Variants in RIPK1 observed in about 807,000 individuals in gnomAD.
RIPK1 encodes the protein receptor-interacting serine/threonine-protein kinase 1.
Under a neutral mutation model 62.4 loss-of-function variants are expected in RIPK1, and 27 were observed. That is an observed-to-expected ratio of 0.43 (90% CI 0.32 to 0.60). RIPK1 has a LOEUF of 0.60. RIPK1 is among the 20% of genes least tolerant of loss of function. The pLI, the probability that RIPK1 is intolerant of heterozygous loss-of-function variation, is 0.07. For missense variants in RIPK1, 735 were observed against 831.0 expected (o/e 0.88, Z 1.42); for synonymous variants, 287 against 303.2 (o/e 0.95, Z 0.55).
At chr6:3,089,486 A>G (rs1456782663) in intron 6 of RIPK1, 95 bp from the exon 7 acceptor site, 6 of 693,822 alleles carry the variant, frequency 8.6e-6, no homozygotes, top group Non-Finnish European at 1.3e-5. Context: ...TTGCCCACAG[A>G]TTGAGGTAAG....
At chr6:3,074,774 C>T (rs1175768438) in intron 1 of RIPK1, among the ~76,000 whole-genome samples, 1 of 152,084 alleles carries the variant, frequency 6.6e-6, no homozygotes, top group African/African-American at 2.4e-5. Flanking sequence ...CTCCGCCTCC[C>T]AAATTTAAGC....
rs955212722 is a variant in RIPK1, at chr6:3,072,524, TA to T, written c.-61+3864del. ...ATTCATTTAACAATATTTTTATTTT[TA>T]TTTTTTTGGACAATTAAATAGTTCT... is the stretch of plus-strand genomic sequence containing the variant. On this transcript the variant is annotated intron_variant, in intron 1 of 10. Coordinates refer to ENST00000259808, the MANE Select transcript of RIPK1 (RefSeq NM_001354930.2). The surrounding 1 kb of genome is among the most constrained non-coding windows in gnomAD (Gnocchi z 5.6). Among the ~76,000 whole-genome samples the T allele has an allele frequency of 2.1e-4, 32 of 152,358 alleles. No individual in the cohort carries two copies. The highest frequency in any genetic ancestry group is 7.0e-4 in the African/African-American group (29 of 41,580).
intron 8 of RIPK1, among the ~76,000 whole-genome samples, chr6:3,104,971 C>A (rs1760767606): frequency 6.6e-6 from 1 of 152,094 alleles, no homozygotes. Flanking sequence ...TCTGCCTCAG[C>A]CTCCCAAGCA....
intron 10 of RIPK1, among the ~76,000 whole-genome samples, chr6:3,112,090 TAGA>T (rs1761189119): frequency 6.6e-6 from 1 of 152,004 alleles, no homozygotes; most frequent in South Asian, 2.1e-4. Flanking sequence ...AAGGAACCAG[TAGA>T]AGGAGAGAGG....
intron 1 of RIPK1, among the ~76,000 whole-genome samples, chr6:3,073,241 A>T (rs1395215645): frequency 1.6e-5 from 2 of 125,342 alleles, no homozygotes; most frequent in African/African-American, 6.1e-5. Flanking sequence ...ATACATTTTT[A>T]TATCATATAT....
intron 1 of RIPK1, among the ~76,000 whole-genome samples, chr6:3,073,290 T>G (rs573513856): frequency 6.6e-5 from 10 of 151,590 alleles, no homozygotes; most frequent in South Asian, 4.1e-4. Context: ...ATATGTATAT[T>G]TATACGTATA....
chr6:3,099,360 T>G (rs1024683797), intron 7 of RIPK1, among the ~76,000 whole-genome samples: 1 of 152,072 alleles, frequency 6.6e-6, no homozygotes, highest in Non-Finnish European at 1.5e-5. Context: ...CTGGCTAACA[T>G]GGTGAAACCC....
chr6:3,065,807 C>CAGTT (rs1158499199), upstream of RIPK1, among the ~76,000 whole-genome samples: 1 of 152,122 alleles, frequency 6.6e-6, no homozygotes, highest in African/African-American at 2.4e-5. Flanking sequence ...CTGCAAGGAC[C>CAGTT]AGTTCCTTCA....
intron 6 of RIPK1, among the ~76,000 whole-genome samples, chr6:3,087,551 C>A (rs1759768580): frequency 6.8e-6 from 1 of 148,048 alleles, no homozygotes; most frequent in Admixed American, 6.7e-5. Context: ...TTGAACCTGT[C>A]TACTGAGCTT....
intron 6 of RIPK1, among the ~76,000 whole-genome samples, chr6:3,088,111 C>A (rs1480734675): frequency 6.6e-6 from 1 of 152,110 alleles, no homozygotes; most frequent in Non-Finnish European, 1.5e-5. Context: ...TGTACATTTT[C>A]TTCCTATGTT....
At chr6:3,068,427 C>T, upstream of RIPK1, 1 of 985,348 alleles carries the variant, frequency 1.0e-6, no homozygotes, top group Non-Finnish European at 1.2e-6. Context: ...CCACGAGCGG[C>T]GGGGCGGCGC....
intron 5 of RIPK1, among the ~76,000 whole-genome samples, chr6:3,084,804 G>A: frequency 6.6e-6 from 1 of 152,080 alleles, no homozygotes. Context: ...ATGTTGGCCA[G>A]GATGGTCTTG....
rs45541234 is a variant in RIPK1, at chr6:3,076,807, C to T, written c.-17C>T. ...GGGGAAAAAGTGGTACCATTTTGGGCGTTCTTGAGCTTCAGAATGCAACCA... is the reference window on the plus strand; with the variant it reads ...GGGGAAAAAGTGGTACCATTTTGGGTGTTCTTGAGCTTCAGAATGCAACCA... On this transcript the variant is annotated 5_prime_UTR_variant, in exon 2 of 11. Transcript: ENST00000259808. 0.017 allele frequency: 26,666 copies of T among 1,608,488 alleles called. 255 individuals carry two copies. Among genetic ancestry groups the T allele is most frequent in the Non-Finnish European group, 0.02 (23,175 of 1,177,970 alleles).
At chr6:3,096,913 C>T (rs1409240794) in intron 7 of RIPK1, among the ~76,000 whole-genome samples, 1 of 151,632 alleles carries the variant, frequency 6.6e-6, no homozygotes, top group African/African-American at 2.4e-5. Flanking sequence ...CTCTGTTGCC[C>T]ACGCTGGAGT....
chr6:3,082,108 T>C (rs9328141), intron 4 of RIPK1, among the ~76,000 whole-genome samples: 152,110 of 152,128 alleles, frequency 1, 76,046 homozygotes, highest in Middle Eastern at 1. Context: ...AATTGGCTTC[T>C]GCAGCAGGAA....
At chr6:3,101,125 A>G (rs1044339326) in intron 7 of RIPK1, among the ~76,000 whole-genome samples, 1 of 152,128 alleles carries the variant, frequency 6.6e-6, no homozygotes, top group African/African-American at 2.4e-5. Flanking sequence ...AAAAAACACA[A>G]AAATTAGCCA....
At chr6:3,100,251 T>C (rs530321787) in intron 7 of RIPK1, among the ~76,000 whole-genome samples, 1 of 151,850 alleles carries the variant, frequency 6.6e-6, no homozygotes, top group East Asian at 1.9e-4. Flanking sequence ...TAAAACCCCG[T>C]CTCTACTAAT....
Position 3,083,047 on chromosome 6 carries a change from T to C in RIPK1, c.460-38T>C, listed in dbSNP as rs546029729. 16 of 1,598,680 alleles carry C rather than the reference T, an allele frequency of 1.0e-5. No individual in the cohort carries two copies. The African/African-American group carries it at 1.5e-4, about 15-fold the overall frequency. On this transcript the variant is annotated intron_variant, in intron 4 of 10. Transcript: ENST00000259808. The stretch of plus-strand genomic sequence containing the variant: ...AGTCAGATCTGATTTGCTTACGGCC[T>C]TCACCAAACAATCCCAGTGGCTCAA...
chr6:3,094,080 C>CCTACCTGCTGCACCTAGTAACTGCAGCGT (rs1561765115), intron 7 of RIPK1, among the ~76,000 whole-genome samples: 16 of 126,436 alleles, frequency 1.3e-4, no homozygotes, highest in African/African-American at 7.5e-4. Context: ...AACTGCAGCG[C>CCTACCTGCTGCACCTAGTAACTGCAGCGT]GCCTACCTCC....
Sources: gnomAD v4.1 joint callset for allele counts (sites outside exome capture counted in the v4.1 genomes callset) on GRCh38, gnomAD v4.1.1 for gene constraint, Gnocchi (gnomAD v3.1) non-coding constraint, MANE v1.5 for transcripts, NCBI Gene and HGNC (gene_info 2026-07-23, HGNC 2026-07-21) for gene names.